Variants in SH3RF3 observed in about 807,000 individuals in gnomAD.
The protein encoded by SH3RF3 is E3 ubiquitin-protein ligase SH3RF3.
Under a neutral mutation model 66.3 loss-of-function variants are expected in SH3RF3, and 29 were observed. The ratio of observed to expected loss-of-function variants is 0.44; its 90% CI spans 0.33 to 0.60. The LOEUF (loss-of-function observed/expected upper bound fraction) is 0.60, where lower values mean the gene tolerates loss of function less well. Among genes scored for constraint, SH3RF3 ranks in the 20% least tolerant of loss-of-function variants. SH3RF3 has a pLI of 0.04. For missense variants in SH3RF3, 1,194 were observed against 1,190.9 expected (o/e 1.00, Z -0.04); for synonymous variants, 583 against 532.0 (o/e 1.10, Z -1.32).
chr2:109,182,463 C>G (rs1392611145), intron 1 of SH3RF3, among the ~76,000 whole-genome samples: 1 of 152,216 alleles, frequency 6.6e-6, no homozygotes, highest in Non-Finnish European at 1.5e-5. Flanking sequence ...GGGGGACACA[C>G]TCAAACTATA....
At chr2:109,395,714 G>T (rs1005085137) in intron 3 of SH3RF3, among the ~76,000 whole-genome samples, 9 of 152,218 alleles carry the variant, frequency 5.9e-5, no homozygotes, top group Non-Finnish European at 8.8e-5. Flanking sequence ...TGGCCGCCCA[G>T]TGCTCAGTGA....
chr2:109,223,812 T>G (rs1679310637), intron 1 of SH3RF3, among the ~76,000 whole-genome samples: 1 of 152,194 alleles, frequency 6.6e-6, no homozygotes. Flanking sequence ...TCAATACATG[T>G]TTGTGCAGAA....
intron 1 of SH3RF3, among the ~76,000 whole-genome samples, chr2:109,292,070 A>C (rs1305102885): frequency 6.6e-6 from 1 of 152,136 alleles, no homozygotes. Context: ...TCACCGTGTT[A>C]GCCAGGATGG....
At chr2:109,469,499 T>C (rs769306250) in intron 8 of SH3RF3, among the ~76,000 whole-genome samples, 9 of 152,202 alleles carry the variant, frequency 5.9e-5, no homozygotes, top group Non-Finnish European at 1.3e-4. Flanking sequence ...AGTGGGATGG[T>C]CTTCTGTGGC....
At chr2:109,259,050 G>C (rs1230604015) in intron 1 of SH3RF3, among the ~76,000 whole-genome samples, 2 of 152,242 alleles carry the variant, frequency 1.3e-5, no homozygotes, top group Non-Finnish European at 2.9e-5. Flanking sequence ...AGAGCCTTGT[G>C]CTGCCAGGGC....
Position 109,389,291 on chromosome 2 carries a change from C to G in SH3RF3, c.946-9299C>G, listed in dbSNP as rs910598630. ...GCTCCTTGTGCATCAGGTTCACACC[C>G]TGTGCAAACAGGAGGAAGAGGGCCT... On this transcript the variant is annotated intron_variant, in intron 3 of 9. Coordinates refer to ENST00000309415, the MANE Select transcript of SH3RF3 (RefSeq NM_001099289.3). 3.9e-5 allele frequency among the ~76,000 whole-genome samples: 6 copies of G among 152,238 alleles called. No individual in the cohort carries two copies. The East Asian group carries it at 5.8e-4, about 15-fold the overall frequency.
At chr2:109,495,930 AT>A (rs1439912855) in intron 9 of SH3RF3, among the ~76,000 whole-genome samples, 4 of 152,250 alleles carry the variant, frequency 2.6e-5, no homozygotes, top group Admixed American at 6.5e-5. Flanking sequence ...CAATAATAAT[AT>A]ATGCTATTGT....
chr2:109,189,892 T>C (rs1310718400), intron 1 of SH3RF3, among the ~76,000 whole-genome samples: 1 of 152,126 alleles, frequency 6.6e-6, no homozygotes, highest in Admixed American at 6.5e-5. Flanking sequence ...GTTGGAGCGA[T>C]CATACTTTCT....
intron 7 of SH3RF3, among the ~76,000 whole-genome samples, chr2:109,448,207 T>G (rs891162942): frequency 2.5e-4 from 38 of 152,348 alleles, no homozygotes; most frequent in African/African-American, 8.9e-4. Context: ...TCTTGAGGCT[T>G]CACTGAGATG....
intron 8 of SH3RF3, among the ~76,000 whole-genome samples, chr2:109,466,558 T>G (rs565780386): frequency 6.6e-6 from 1 of 152,374 alleles, no homozygotes; most frequent in Admixed American, 6.5e-5. Context: ...CAGTATCTGT[T>G]TCAGAGCACA....
At chr2:109,501,357 A>C (rs953352239) in intron 9 of SH3RF3, 146 bp from the exon 10 acceptor site, 11 of 506,664 alleles carry the variant, frequency 2.2e-5, no homozygotes, top group Middle Eastern at 9.4e-4. Flanking sequence ...GTTTTGAAAA[A>C]ATTAAAAATA....
rs1169238058 is a variant in SH3RF3 at position 109,490,696 on chromosome 2, A to G, written c.2240A>G (p.Asp747Gly). Residue 747 changes from aspartate to glycine, a missense_variant, in exon 9 of 10, where the codon GAC becomes GGC. Asp to Gly is a moderately conservative substitution (Grantham distance 94). Transcript: ENST00000309415. ...CCGCCATCTGTGTCTCCAACCCACG[A>G]CCCCCAGGTGGCCGTGGACGCCCTG... Reference protein sequence around the residue: ...RSPPSVSPTHDPQVAVDALLQ... With the variant: ...RSPPSVSPTHGPQVAVDALLQ... The G allele has an allele frequency of 2.0e-6, 3 of 1,531,182 alleles. No individual in the cohort carries two copies. The African/African-American group carries it at 4.1e-5, about 21-fold the overall frequency. 94.8% of individuals were successfully genotyped at this position (1,531,182 alleles called of 1,614,324 possible).
chr2:109,156,334 G>A (rs1677344166), intron 1 of SH3RF3, among the ~76,000 whole-genome samples: 1 of 152,192 alleles, frequency 6.6e-6, no homozygotes, highest in Non-Finnish European at 1.5e-5. Context: ...TGCTGGGACT[G>A]TGCTTTCTCT....
chr2:109,304,364 T>C (rs1489152390), intron 1 of SH3RF3, among the ~76,000 whole-genome samples: 1 of 152,208 alleles, frequency 6.6e-6, no homozygotes, highest in East Asian at 1.9e-4. Flanking sequence ...GACTGGCTTA[T>C]TTCGTTTAAC....
chr2:109,449,193 C>G lies in SH3RF3; in HGVS notation c.1852C>G (p.Gln618Glu), dbSNP rs201796718. The G allele has an allele frequency of 5.1e-3, 8,180 of 1,613,708 alleles. 26 individuals are homozygous for G. Among genetic ancestry groups the G allele is most frequent in the Non-Finnish European group, 6.3e-3 (7,417 of 1,179,824 alleles). ...STAAHSAAQA[Q>E]DRPTATVSPL... ...AGCTGCCCACTCTGCAGCCCAGGCT[C>G]AGGACCGGCCAACTGCCACCGTGTC... The change falls in exon 8 of 10, where the codon CAG (glutamine) becomes GAG (glutamate). Residue 618 changes from glutamine (Q) to glutamate (E), a missense_variant. Coordinates refer to ENST00000309415, the MANE Select transcript of SH3RF3 (RefSeq NM_001099289.3).
chr2:109,387,858 T>TGGG (rs5833330), intron 3 of SH3RF3, among the ~76,000 whole-genome samples: 17 of 147,686 alleles, frequency 1.2e-4, no homozygotes, highest in African/African-American at 4.2e-4. Flanking sequence ...CCCAGATGGT[T>TGGG]GGGGGGGGGG....
Position 109,201,446 on chromosome 2 carries a change from A to G in SH3RF3, c.573+71333A>G, listed in dbSNP as rs533819966. On this transcript the variant is annotated intron_variant, in intron 1 of 9. Coordinates refer to ENST00000309415, the MANE Select transcript of SH3RF3 (RefSeq NM_001099289.3). ...CACACATCCAGGTATCTCAGCCGCC[A>G]CAGGCCAGCAGTCCCACCTCTCTCT... Among the ~76,000 whole-genome samples, 8 of 152,184 alleles carry G rather than the reference A, an allele frequency of 5.3e-5. No individual in the cohort carries two copies. In the East Asian group the frequency reaches 1.6e-3, roughly 30 times the overall value.
At chr2:109,321,928 G>T (rs2105461415) in intron 1 of SH3RF3, among the ~76,000 whole-genome samples, 1 of 152,328 alleles carries the variant, frequency 6.6e-6, no homozygotes, top group African/African-American at 2.4e-5. Flanking sequence ...AAGGGGAGAT[G>T]GGGCCCTTTT....
At chr2:109,265,115 G>T (rs983109729) in intron 1 of SH3RF3, among the ~76,000 whole-genome samples, 2 of 152,116 alleles carry the variant, frequency 1.3e-5, no homozygotes, top group African/African-American at 4.8e-5. Context: ...GAGGCGTTGC[G>T]AAATAGGATG....
Sources: allele counts gnomAD v4.1 joint callset (sites outside exome capture counted in the v4.1 genomes callset), GRCh38; gene constraint gnomAD v4.1.1; transcripts MANE v1.5; gene names NCBI Gene and HGNC (gene_info 2026-07-23, HGNC 2026-07-21).